DNM3: variants seen among roughly 807,000 people sequenced by gnomAD.
The protein encoded by DNM3 is dynamin-3.
A neutral mutation model predicts 101.6 loss-of-function variants in DNM3; 47 were observed. That is an observed-to-expected ratio of 0.46 (90% CI 0.37 to 0.59). DNM3 has a LOEUF of 0.59. DNM3 is among the 20% of genes least tolerant of loss of function. The probability of loss-of-function intolerance (pLI) is 0.00; values close to 1 mark genes in which losing one functional copy is unlikely to be tolerated. For synonymous variants in DNM3, 385 were observed against 387.9 expected (o/e 0.99, Z 0.09); for missense variants, 849 against 1,085.7 (o/e 0.78, Z 3.06).
chr1:171,958,546 A>G (rs2043007652), intron 2 of DNM3, among the ~76,000 whole-genome samples: 1 of 152,186 alleles, frequency 6.6e-6, no homozygotes, highest in South Asian at 2.1e-4. Context: ...AGTGGGATAC[A>G]CAAGGAGCTC....
chr1:172,045,929 G>T (rs2049756313), intron 9 of DNM3, among the ~76,000 whole-genome samples: 1 of 152,144 alleles, frequency 6.6e-6, no homozygotes, highest in Non-Finnish European at 1.5e-5. Flanking sequence ...GTTATTTGTT[G>T]TTTTAAAATT....
chr1:172,133,040 C>A, intron 14 of DNM3: 1 of 1,487,614 alleles, frequency 6.7e-7, no homozygotes, highest in Admixed American at 2.6e-5. Flanking sequence ...TGGAGTTGTC[C>A]AAGCCAACCT....
At chr1:172,266,264 A>G (rs916774788) in intron 15 of DNM3, among the ~76,000 whole-genome samples, 10 of 152,264 alleles carry the variant, frequency 6.6e-5, no homozygotes, top group African/African-American at 2.4e-4. Context: ...TGTTTGAAAA[A>G]GTGTTTAAAT....
intron 15 of DNM3, among the ~76,000 whole-genome samples, chr1:172,305,187 A>G (rs1250964771): frequency 6.6e-6 from 1 of 152,210 alleles, no homozygotes; most frequent in Non-Finnish European, 1.5e-5. Flanking sequence ...GCAATAAAAA[A>G]TGATAAAGGG....
At chr1:172,179,735 T>C (rs181286291) in intron 14 of DNM3, among the ~76,000 whole-genome samples, 1 of 152,072 alleles carries the variant, frequency 6.6e-6, no homozygotes, top group East Asian at 1.9e-4. Flanking sequence ...TTTTTAGATA[T>C]AACCAATAAG....
intron 1 of DNM3, among the ~76,000 whole-genome samples, chr1:171,892,665 T>A (rs866724351): frequency 6.6e-6 from 1 of 152,316 alleles, no homozygotes; most frequent in Middle Eastern, 3.4e-3. Context: ...TTAACTGGTA[T>A]CCCCAGAGGC....
intron 1 of DNM3, among the ~76,000 whole-genome samples, chr1:171,903,375 TA>T (rs1360213279): frequency 6.6e-6 from 1 of 152,214 alleles, no homozygotes; most frequent in Non-Finnish European, 1.5e-5. Context: ...TTTTGAATTT[TA>T]TTTTTCTGTA....
At chr1:171,862,313 T>C (rs973930016) in intron 1 of DNM3, among the ~76,000 whole-genome samples, 1 of 152,174 alleles carries the variant, frequency 6.6e-6, no homozygotes, top group Non-Finnish European at 1.5e-5. Context: ...TTGTTCATAA[T>C]AGCCAAAAGG....
At chr1:172,192,886 A>G (rs970041159) in intron 14 of DNM3, among the ~76,000 whole-genome samples, 3 of 151,266 alleles carry the variant, frequency 2.0e-5, no homozygotes, top group African/African-American at 7.3e-5. Flanking sequence ...CTTTGGGTAT[A>G]TACCCAGTAA....
intron 4 of DNM3, among the ~76,000 whole-genome samples, chr1:172,004,141 A>G (rs2046525074): frequency 6.6e-6 from 1 of 152,212 alleles, no homozygotes; most frequent in South Asian, 2.1e-4. Context: ...AAAGTGAAAT[A>G]AAAAAGAATC....
At chr1:171,995,598 A>G (rs2045946126) in intron 4 of DNM3, among the ~76,000 whole-genome samples, 1 of 152,042 alleles carries the variant, frequency 6.6e-6, no homozygotes, top group South Asian at 2.1e-4. Context: ...TTCTGGTCCT[A>G]TACAACTGTA....
rs529183604 is a variant in DNM3 at position 172,178,310 on chromosome 1, T to TA, written c.1659+47028dup. ...TCCAATCCATCCAACACACTGGTGT[T>TA]AAAAAATAAACTTAAATCTTAAGAA... On this transcript the variant is annotated intron_variant, in intron 14 of 20. Transcript: ENST00000627582. Among the ~76,000 whole-genome samples, 432 of 152,108 alleles carry TA rather than the reference T, an allele frequency of 2.8e-3. 3 individuals are homozygous for TA. Among genetic ancestry groups the TA allele is most frequent in the Middle Eastern group, 0.014 (4 of 294 alleles).
At chr1:172,125,066 C>T (rs2056546551) in intron 13 of DNM3, among the ~76,000 whole-genome samples, 1 of 152,166 alleles carries the variant, frequency 6.6e-6, no homozygotes, top group African/African-American at 2.4e-5. Context: ...AGCTCCCCAG[C>T]ATTTGGCCAG....
chr1:172,317,104 A>G (rs1467194066), intron 16 of DNM3, among the ~76,000 whole-genome samples: 3 of 151,866 alleles, frequency 2.0e-5, no homozygotes, highest in Admixed American at 6.6e-5. Context: ...CCGCTCAACT[A>G]CATGGAAACT....
chr1:172,042,958 C>T (rs976672043), intron 8 of DNM3, among the ~76,000 whole-genome samples: 2 of 152,046 alleles, frequency 1.3e-5, no homozygotes, highest in African/African-American at 4.8e-5. Context: ...GTAGGCCAGA[C>T]CAGGGGTGGA....
chr1:172,157,186 G>C (rs1356177222), intron 14 of DNM3, among the ~76,000 whole-genome samples: 1 of 152,068 alleles, frequency 6.6e-6, no homozygotes, highest in Non-Finnish European at 1.5e-5. Context: ...GGGATGATGG[G>C]AGACAGCGAC....
At chr1:171,856,250 A>T (rs566301424) in intron 1 of DNM3, among the ~76,000 whole-genome samples, 9 of 152,294 alleles carry the variant, frequency 5.9e-5, no homozygotes, top group African/African-American at 1.9e-4. Flanking sequence ...TTTTTGTACC[A>T]GTACCATGCT....
chr1:171,894,443 C>T (rs1187748002), intron 1 of DNM3, among the ~76,000 whole-genome samples: 5 of 151,992 alleles, frequency 3.3e-5, no homozygotes, highest in Admixed American at 2.6e-4. Context: ...CTCTCTGTGT[C>T]TCCCAGGCTG....
At chr1:172,171,186 G>A (rs943218805) in intron 14 of DNM3, among the ~76,000 whole-genome samples, 1 of 151,670 alleles carries the variant, frequency 6.6e-6, no homozygotes, top group African/African-American at 2.4e-5. Context: ...ACAGAAGAGG[G>A]TTTGTAGCTG....
Sources: allele counts gnomAD v4.1 joint callset (sites outside exome capture counted in the v4.1 genomes callset), GRCh38; gene constraint gnomAD v4.1.1; transcripts MANE v1.5; gene names NCBI Gene and HGNC (gene_info 2026-07-23, HGNC 2026-07-21).